TMEFF2: variants seen among roughly 807,000 people sequenced by gnomAD.
TMEFF2 encodes transmembrane protein with EGF like and two follistatin like domains 2, also known as tomoregulin-2.
A neutral mutation model predicts 53.8 loss-of-function variants in TMEFF2; 28 were observed. That is an observed-to-expected ratio of 0.52 (90% confidence interval 0.39 to 0.71). The LOEUF (loss-of-function observed/expected upper bound fraction) is 0.71. Among genes scored for constraint, TMEFF2 ranks in the 30% least tolerant of loss-of-function variants. TMEFF2 has a pLI of 0.00. For missense variants in TMEFF2, 353 were observed against 455.2 expected (o/e 0.78, Z 2.04); for synonymous variants, 162 against 166.3 (o/e 0.97, Z 0.20).
chr2:192,083,324 C>T (rs558258624), intron 4 of TMEFF2, among the ~76,000 whole-genome samples: 3 of 152,238 alleles, frequency 2.0e-5, no homozygotes, highest in East Asian at 3.9e-4. Flanking sequence ...CTGGGGCAAT[C>T]ATCTAAACTC....
chr2:192,058,285 T>C (rs987183523), intron 4 of TMEFF2, among the ~76,000 whole-genome samples: 7 of 152,158 alleles, frequency 4.6e-5, no homozygotes, highest in Non-Finnish European at 7.4e-5. Context: ...GTTAAGTACT[T>C]ATAAGAAAAA....
chr2:191,964,410 T>C (rs539082969), intron 7 of TMEFF2, among the ~76,000 whole-genome samples: 29 of 112,106 alleles, frequency 2.6e-4, no homozygotes, highest in African/African-American at 1.2e-3. Context: ...CTTTCTTTCT[T>C]TCTTTCTTTC....
chr2:191,983,404 T>TC (rs1553509932), intron 7 of TMEFF2, among the ~76,000 whole-genome samples: 2 of 150,970 alleles, frequency 1.3e-5, no homozygotes. Flanking sequence ...TTTTTTTTTT[T>TC]CTCCTGGGGC....
intron 4 of TMEFF2, among the ~76,000 whole-genome samples, chr2:192,142,320 C>T (rs1285062164): frequency 6.6e-6 from 1 of 151,836 alleles, no homozygotes; most frequent in Non-Finnish European, 1.5e-5. Flanking sequence ...AATGTAGTGC[C>T]TTTTGGTTTG....
intron 4 of TMEFF2, among the ~76,000 whole-genome samples, chr2:192,141,931 A>T (rs1472344241): frequency 6.6e-6 from 1 of 152,186 alleles, no homozygotes; most frequent in African/African-American, 2.4e-5. Flanking sequence ...ATATGGGAAA[A>T]TTTAACTAAA....
chr2:192,045,782 T>C (rs772460492), intron 5 of TMEFF2, among the ~76,000 whole-genome samples: 1 of 152,202 alleles, frequency 6.6e-6, no homozygotes, highest in Non-Finnish European at 1.5e-5. Flanking sequence ...AGCTCCTGGG[T>C]GGCAGGTTGA....
intron 4 of TMEFF2, among the ~76,000 whole-genome samples, chr2:192,112,017 C>A (rs1352529373): frequency 6.6e-6 from 1 of 152,178 alleles, no homozygotes; most frequent in Non-Finnish European, 1.5e-5. Context: ...AGGCAGAAGC[C>A]TGCTGCATGG....
intron 4 of TMEFF2, among the ~76,000 whole-genome samples, chr2:192,134,622 C>A (rs10174259): frequency 0.5 from 76,227 of 151,960 alleles, 19,307 homozygotes; most frequent in Non-Finnish European, 0.53. Flanking sequence ...AAGCTCGAAG[C>A]TTTGCCCCTG....
At chr2:192,023,876 A>G (rs923687678) in intron 5 of TMEFF2, among the ~76,000 whole-genome samples, 7 of 152,222 alleles carry the variant, frequency 4.6e-5, no homozygotes, top group African/African-American at 1.7e-4. Flanking sequence ...AGGTTTAGCA[A>G]CTTTCATTGA....
chr2:192,027,461 A>G (rs1050978944), intron 5 of TMEFF2, among the ~76,000 whole-genome samples: 1 of 152,206 alleles, frequency 6.6e-6, no homozygotes, highest in Non-Finnish European at 1.5e-5. Context: ...TAATATGTAC[A>G]TGAGTAACTA....
At chr2:191,964,379 TTTCTTTCTTTCTTTCTTTCTC>T (rs2105796711) in intron 7 of TMEFF2, among the ~76,000 whole-genome samples, 1 of 27,372 alleles carries the variant, frequency 3.7e-5, no homozygotes, top group East Asian at 2.4e-3. Context: ...TTTCTCTTTC[TTTCTTTCTTTCTTTCTTTCTC>T]TTTCTTTCTT....
At chr2:192,132,431 C>T (rs1167625060) in intron 4 of TMEFF2, among the ~76,000 whole-genome samples, 1 of 152,022 alleles carries the variant, frequency 6.6e-6, no homozygotes, top group Non-Finnish European at 1.5e-5. Context: ...GTCAAAAGGC[C>T]ATCTCATTCT....
chr2:191,998,159 G>A, intron 7 of TMEFF2, 103 bp downstream of exon 7: 2 of 881,726 alleles, frequency 2.3e-6, no homozygotes, highest in Non-Finnish European at 3.5e-6. Context: ...GCACATGTTA[G>A]AAGTCTTGCA....
At chr2:192,059,478 C>T (rs1473873629) in intron 4 of TMEFF2, among the ~76,000 whole-genome samples, 4 of 152,114 alleles carry the variant, frequency 2.6e-5, no homozygotes, top group Non-Finnish European at 5.9e-5. Context: ...ATTATTAATG[C>T]AACACAGAAG....
intron 7 of TMEFF2, among the ~76,000 whole-genome samples, chr2:191,985,049 T>G (rs1429810144): frequency 6.6e-6 from 1 of 152,138 alleles, no homozygotes; most frequent in Non-Finnish European, 1.5e-5. Flanking sequence ...AAACAATTAC[T>G]TCTATCTAGA....
At chr2:192,184,587 T>C in intron 2 of TMEFF2, 104 bp from the exon 3 acceptor site, 1 of 1,397,094 alleles carries the variant, frequency 7.2e-7, no homozygotes, top group South Asian at 1.4e-5. Context: ...CTTGTCTTCA[T>C]TTTCAATGAT....
intron 4 of TMEFF2, among the ~76,000 whole-genome samples, chr2:192,126,253 T>C (rs1020949873): frequency 3.9e-5 from 6 of 152,198 alleles, no homozygotes; most frequent in Non-Finnish European, 7.3e-5. Flanking sequence ...CTACATAAAA[T>C]AGATCCTTAA....
At chr2:192,116,432 A>G (rs1417222826) in intron 4 of TMEFF2, among the ~76,000 whole-genome samples, 2 of 152,050 alleles carry the variant, frequency 1.3e-5, no homozygotes, top group Non-Finnish European at 2.9e-5. Context: ...ACTTAATAAT[A>G]ATGTATTGTA....
At chr2:192,010,943 G>T (rs1409857516) in intron 5 of TMEFF2, among the ~76,000 whole-genome samples, 5 of 152,184 alleles carry the variant, frequency 3.3e-5, no homozygotes, top group Non-Finnish European at 7.3e-5. Context: ...CCCTAACAGT[G>T]TCATTCTCAT....
Sources: allele counts gnomAD v4.1 joint callset (sites outside exome capture counted in the v4.1 genomes callset), GRCh38; gene constraint gnomAD v4.1.1; transcripts MANE v1.5; gene names NCBI Gene and HGNC (gene_info 2026-07-23, HGNC 2026-07-21).